Variants in RIPOR3 observed in about 807,000 individuals in gnomAD.
RIPOR3 encodes family with sequence similarity 65 member C.
A neutral mutation model predicts 114.3 loss-of-function variants in RIPOR3; 95 were observed. The observed-to-expected ratio is 0.83, with a 90% CI of 0.70 to 0.99. The LOEUF (loss-of-function observed/expected upper bound fraction) is 0.99. Among genes scored for constraint, RIPOR3 ranks in the 50% least tolerant of loss-of-function variants. The pLI, the probability that RIPOR3 is intolerant of heterozygous loss-of-function variation, is 0.00. For synonymous variants in RIPOR3, 575 were observed against 543.8 expected (o/e 1.06, Z -0.80); for missense variants, 1,252 against 1,266.9 (o/e 0.99, Z 0.18).
chr20:50,591,273 G>A (rs753212469), intron 19 of RIPOR3, among the ~76,000 whole-genome samples: 10 of 152,184 alleles, frequency 6.6e-5, no homozygotes, highest in African/African-American at 2.4e-4. Context: ...TAATTTTTTA[G>A]ATAAGATAAT....
At chr20:50,640,560 CTTCGGCCA>C (rs2085153034) in intron 1 of RIPOR3, among the ~76,000 whole-genome samples, 1 of 150,342 alleles carries the variant, frequency 6.7e-6, no homozygotes, top group Non-Finnish European at 1.5e-5. Context: ...CCAAAGCACT[CTTCGGCCA>C]ACCACTGGTC....
chr20:50,592,568 G>T (rs745771430), intron 18 of RIPOR3, 22 bp from the exon 19 acceptor site: 1 of 1,468,188 alleles, frequency 6.8e-7, no homozygotes, highest in Non-Finnish European at 9.0e-7. Context: ...GAAAGAGGTG[G>T]GCCCAGGTCC....
chr20:50,589,084 GAAAAAAAAAAAAAAA>G (rs529410533), intron 20 of RIPOR3, among the ~76,000 whole-genome samples: 3 of 89,522 alleles, frequency 3.4e-5, no homozygotes, highest in Admixed American at 1.3e-4. Context: ...TCCATCTCAA[GAAAAAAAAAAAAAAA>G]AAAAAAAAAA....
Position 50,602,312 on chromosome 20 carries a change from C to T in RIPOR3, c.1419G>A (p.Trp473Ter). Residue 473 changes from tryptophan to a stop codon, truncating the protein, a stop_gained, in exon 13 of 22, where the codon TGG becomes TGA. Transcript: ENST00000327979. LOFTEE classifies it high-confidence loss of function. The surrounding 1 kb of genome is among the most constrained non-coding windows in gnomAD (Gnocchi z 4.3). ...SGGPFAEQPG[W>*]RNLGGESPSL... Reference sequence around the variant, plus strand: ...TGGGGCTCTCCCCTCCTAAGTTCCTCCAGCCAGGCTGCTCTGCAAACGGGC... The same window carrying T: ...TGGGGCTCTCCCCTCCTAAGTTCCTTCAGCCAGGCTGCTCTGCAAACGGGC... 3 of 1,613,910 alleles carry T rather than the reference C, an allele frequency of 1.9e-6. No homozygotes were observed. The highest frequency in any genetic ancestry group is 8.5e-7 in the Non-Finnish European group (1 of 1,179,962).
At chr20:50,589,306 AC>A (rs2083035002) in intron 20 of RIPOR3, among the ~76,000 whole-genome samples, 1 of 148,978 alleles carries the variant, frequency 6.7e-6, no homozygotes, top group Admixed American at 6.7e-5. Context: ...GTATTTTGTA[AC>A]TTTTTTTTTT....
intron 1 of RIPOR3, among the ~76,000 whole-genome samples, chr20:50,653,514 C>T (rs576521534): frequency 6.6e-6 from 1 of 151,252 alleles, no homozygotes; most frequent in Non-Finnish European, 1.5e-5. Context: ...TGGCTCACTG[C>T]AACCTCTGCC....
At chr20:50,591,088 AAATT>A (rs1303677828) in intron 19 of RIPOR3, among the ~76,000 whole-genome samples, 4 of 152,208 alleles carry the variant, frequency 2.6e-5, no homozygotes, top group Non-Finnish European at 5.9e-5. Context: ...GGGATCGATC[AAATT>A]AATTGCAAGC....
rs2083052330 is a variant in RIPOR3 at position 50,589,776 on chromosome 20, A to G, written c.2578-7T>C. 1.2e-6 allele frequency: 2 copies of G among 1,611,730 alleles called. No individual in the cohort carries two copies. Among genetic ancestry groups the G allele is most frequent in the African/African-American group, 2.7e-5 (2 of 74,830 alleles). On this transcript the variant is annotated splice_region_variant and splice_polypyrimidine_tract_variant and intron_variant, in intron 19 of 21. Coordinates refer to ENST00000327979, the MANE Select transcript of RIPOR3 (RefSeq NM_001290268.2). Reference sequence around the variant, plus strand: ...TGGTGTAGAACAGCAAAGCCTGGGGAGAGTAAGGAGGCTGTGAATGGAGGG... The same window carrying G: ...TGGTGTAGAACAGCAAAGCCTGGGGGGAGTAAGGAGGCTGTGAATGGAGGG...
rs376794842 is a variant in RIPOR3, at chr20:50,602,183, G to A, written c.1548C>T (p.Ala516=). 1 of 1,613,198 alleles carries A rather than the reference G, an allele frequency of 6.2e-7. No homozygotes were observed. The highest frequency in any genetic ancestry group is 1.3e-5 in the African/African-American group (1 of 74,940). The change falls in exon 13 of 22, where the codon GCC becomes GCT. Residue 516 remains alanine (A), a synonymous_variant. Transcript: ENST00000327979. The surrounding 1 kb of genome is among the most constrained non-coding windows in gnomAD (Gnocchi z 4.3). ...GGACCTCCTGCAGAGGCCCCTCGAGGGCCACGCCAGGCCCGTCCTCTCTGT... is the reference window on the plus strand; with the variant it reads ...GGACCTCCTGCAGAGGCCCCTCGAGAGCCACGCCAGGCCCGTCCTCTCTGT... ...TGDREDGPGV[A]LEGPLQEVLE... is the part of the protein sequence containing the mutation.
At chr20:50,648,226 A>C (rs1180679810) in intron 1 of RIPOR3, among the ~76,000 whole-genome samples, 3 of 151,918 alleles carry the variant, frequency 2.0e-5, no homozygotes, top group Admixed American at 1.3e-4. Context: ...CAGTGAGCTG[A>C]GATCATGCCA....
chr20:50,668,430 G>T (rs979874880), intron 1 of RIPOR3, among the ~76,000 whole-genome samples: 2 of 152,114 alleles, frequency 1.3e-5, no homozygotes, highest in Admixed American at 1.3e-4. Context: ...CCATGAACAG[G>T]CAAAGCTGCT....
In RIPOR3 at chr20:50,594,687, C is replaced by T; in HGVS notation, c.2078G>A (p.Gly693Glu). ...GCACCCTCTCCACAGCTTCAGGCAC[C>T]CCTTCGTCCGCGAGGCCTGTGGGAT... Reference protein sequence around the residue: ...EIIPQASRTKGCLKLWRGCTG... With the variant: ...EIIPQASRTKECLKLWRGCTG... Residue 693 changes from glycine (G) to glutamate (E), a missense_variant, in exon 17 of 22, where the codon GGG becomes GAG. By Grantham distance (98) the Gly-to-Glu change is moderately conservative (BLOSUM62 -2). Transcript: ENST00000327979. 6.2e-7 allele frequency: 1 copy of T among 1,612,486 alleles called. No homozygotes were observed. The highest frequency in any genetic ancestry group is 2.2e-5 in the East Asian group (1 of 44,846).
intron 11 of RIPOR3, among the ~76,000 whole-genome samples, chr20:50,607,317 G>A (rs2083759622): frequency 6.6e-6 from 1 of 152,204 alleles, no homozygotes; most frequent in Non-Finnish European, 1.5e-5. Context: ...ATCCAGGCGA[G>A]CGCATGGGAG....
chr20:50,633,980 C>CTTTTTTTTTTTTTTT (rs375758598), intron 1 of RIPOR3, among the ~76,000 whole-genome samples: 1 of 131,038 alleles, frequency 7.6e-6, no homozygotes, highest in Non-Finnish European at 1.6e-5. Flanking sequence ...TCTTTCTTTT[C>CTTTTTTTTTTTTTTT]TTTTTTTTTT....
At chr20:50,612,718 C>G (rs141742179) in intron 4 of RIPOR3, among the ~76,000 whole-genome samples, 15 of 151,810 alleles carry the variant, frequency 9.9e-5, no homozygotes, top group African/African-American at 3.4e-4. Flanking sequence ...GGGCGTCAAT[C>G]GAGAAAGAAA....
At chr20:50,611,151 GC>G in intron 5 of RIPOR3, 29 bp downstream of exon 5, 1 of 1,614,168 alleles carries the variant, frequency 6.2e-7, no homozygotes, top group Non-Finnish European at 8.5e-7. Context: ...GCCAGGCCCA[GC>G]CCACCTCACT....
At position 50,586,247 on chromosome 20, in the gene RIPOR3, T is replaced by C. The variant is rs1442950682; in HGVS notation, c.*985A>G. 6.5e-6 allele frequency: 1 copy of C among 154,074 alleles called. No individual in the cohort carries two copies. The highest frequency in any genetic ancestry group is 1.4e-5 in the Non-Finnish European group (1 of 69,196). The allele number at this position is 154,074 out of a possible 1,614,324, so 9.5% of individuals were successfully genotyped here. A position where few individuals can be genotyped will look rare whatever the true frequency, so the allele number is the denominator to read the frequency against. The stretch of plus-strand genomic sequence containing the variant: ...ATCGATGAGAATGTTCAAGTTAAAG[T>C]TCTCCAATGCCATTGCTACAGCAAC... On this transcript the variant is annotated 3_prime_UTR_variant, in exon 22 of 22. Coordinates refer to ENST00000327979, the MANE Select transcript of RIPOR3 (RefSeq NM_001290268.2).
chr20:50,665,105 A>T (rs1340494195), intron 1 of RIPOR3, among the ~76,000 whole-genome samples: 1 of 151,790 alleles, frequency 6.6e-6, no homozygotes, highest in East Asian at 2.0e-4. Flanking sequence ...CTGTCTCAAA[A>T]ATAAAACCCA....
intron 1 of RIPOR3, among the ~76,000 whole-genome samples, chr20:50,644,442 C>T (rs1024638789): frequency 1.3e-5 from 2 of 152,150 alleles, no homozygotes; most frequent in Non-Finnish European, 2.9e-5. Flanking sequence ...TTAATATAAA[C>T]ATGAAATACT....
Sources: allele counts gnomAD v4.1 joint callset (sites outside exome capture counted in the v4.1 genomes callset), GRCh38; gene constraint gnomAD v4.1.1; non-coding constraint Gnocchi (gnomAD v3.1); transcripts MANE v1.5; gene names NCBI Gene and HGNC (gene_info 2026-07-23, HGNC 2026-07-21).